ATF6: variants seen among roughly 807,000 people sequenced by gnomAD.
ATF6 encodes the protein activating transcription factor 6, also known as cyclic AMP-dependent transcription factor ATF-6 alpha.
ATF6 carries 53 observed loss-of-function variants against 83.6 expected under a neutral mutation model. That is an observed-to-expected ratio of 0.63 (90% CI 0.51 to 0.80). ATF6 has a LOEUF of 0.80. ATF6 is among the 30% of genes least tolerant of loss of function. The pLI, the probability that ATF6 is intolerant of heterozygous loss-of-function variation, is 0.00. For missense variants in ATF6, 744 were observed against 797.9 expected (o/e 0.93, Z 0.81); for synonymous variants, 288 against 285.8 (o/e 1.01, Z -0.08).
chr1:161,916,971 G>T (rs1369886041), intron 15 of ATF6, among the ~76,000 whole-genome samples: 1 of 152,064 alleles, frequency 6.6e-6, no homozygotes, highest in African/African-American at 2.4e-5. Context: ...ATGATACCAT[G>T]ACTTGTCTAG....
At chr1:161,810,219 G>T (rs1169906164) in intron 7 of ATF6, among the ~76,000 whole-genome samples, 1 of 152,172 alleles carries the variant, frequency 6.6e-6, no homozygotes, top group African/African-American at 2.4e-5. Flanking sequence ...TTGTCTCATG[G>T]TTCTGCAGGC....
At chr1:161,841,697 T>C (rs1686362254) in intron 9 of ATF6, among the ~76,000 whole-genome samples, 1 of 152,184 alleles carries the variant, frequency 6.6e-6, no homozygotes, top group African/African-American at 2.4e-5. Context: ...ATTGAATGCG[T>C]CTGAGCTCCT....
In ATF6 at chr1:161,792,174, A is replaced by C. The variant is rs771718900; in HGVS notation, c.535A>C (p.Ile179Leu). 6.2e-7 allele frequency: 1 copy of C among 1,614,134 alleles called. No individual in the cohort carries two copies. Among genetic ancestry groups the C allele is most frequent in the East Asian group, 2.2e-5 (1 of 44,878 alleles). Residue 179 changes from isoleucine to leucine, a missense_variant, in exon 6 of 16, where the codon ATT (isoleucine) becomes CTT (leucine). Coordinates refer to ENST00000367942, the MANE Select transcript of ATF6 (RefSeq NM_007348.4). ...KKIQVNSKPS[I>L]QPKPLLLPAA... ...AATTCAGGTGAATTCAAAACCTTCA[A>C]TTCAGCCCAAGCCTTTATTGCTTCC...
At chr1:161,942,752 G>T (rs1434695942) in intron 15 of ATF6, among the ~76,000 whole-genome samples, 1 of 152,168 alleles carries the variant, frequency 6.6e-6, no homozygotes, top group Non-Finnish European at 1.5e-5. Context: ...CTACTACTCC[G>T]ACCTTCCAAT....
intron 13 of ATF6, among the ~76,000 whole-genome samples, chr1:161,862,319 A>G (rs1285591637): frequency 6.6e-6 from 1 of 152,172 alleles, no homozygotes; most frequent in Non-Finnish European, 1.5e-5. Flanking sequence ...TCCTCTTAAT[A>G]ATATTTGATT....
At chr1:161,778,533 C>A (rs1288448196) in intron 2 of ATF6, among the ~76,000 whole-genome samples, 1 of 152,032 alleles carries the variant, frequency 6.6e-6, no homozygotes, top group Non-Finnish European at 1.5e-5. Flanking sequence ...CTAGGCCCAC[C>A]TTTGGCCCTA....
intron 15 of ATF6, among the ~76,000 whole-genome samples, chr1:161,940,916 C>G (rs1239740767): frequency 6.6e-6 from 1 of 152,118 alleles, no homozygotes; most frequent in Non-Finnish European, 1.5e-5. Context: ...GCACCTTCCT[C>G]TTTATTCTTG....
chr1:161,772,969 T>G (rs1026824732), intron 1 of ATF6, among the ~76,000 whole-genome samples: 1 of 144,924 alleles, frequency 6.9e-6, no homozygotes, highest in Non-Finnish European at 1.5e-5. Context: ...TCCTGTTTTT[T>G]TTTTTTTTTT....
chr1:161,853,126 C>T, intron 11 of ATF6, 98 bp from the exon 12 acceptor site: 1 of 852,948 alleles, frequency 1.2e-6, no homozygotes. Flanking sequence ...CTCTTTGGAA[C>T]CTACAAATGA....
intron 9 of ATF6, among the ~76,000 whole-genome samples, chr1:161,830,799 A>C (rs540712169): frequency 6.6e-6 from 1 of 152,384 alleles, no homozygotes; most frequent in Non-Finnish European, 1.5e-5. Flanking sequence ...AAATTAATTC[A>C]AGATGGATCA....
At chr1:161,829,748 T>G (rs1686000929) in intron 9 of ATF6, among the ~76,000 whole-genome samples, 1 of 152,134 alleles carries the variant, frequency 6.6e-6, no homozygotes, top group Non-Finnish European at 1.5e-5. Context: ...TTGACAAAAT[T>G]CAACAGCCCT....
At chr1:161,808,586 T>A (rs751834207) in intron 7 of ATF6, among the ~76,000 whole-genome samples, 38 of 152,140 alleles carry the variant, frequency 2.5e-4, no homozygotes, top group Non-Finnish European at 5.0e-4. Context: ...TTATTTATTT[T>A]TTTAAAGACA....
At chr1:161,795,433 G>A (rs192424472) in intron 6 of ATF6, among the ~76,000 whole-genome samples, 6 of 152,300 alleles carry the variant, frequency 3.9e-5, no homozygotes, top group African/African-American at 1.4e-4. Flanking sequence ...GATTTATGGT[G>A]ATGGGTTGTG....
At chr1:161,837,426 T>G (rs1316312298) in intron 9 of ATF6, among the ~76,000 whole-genome samples, 3 of 152,232 alleles carry the variant, frequency 2.0e-5, no homozygotes, top group Non-Finnish European at 2.9e-5. Flanking sequence ...TTGGTGTCTG[T>G]GTGTTCTGAA....
In ATF6 at chr1:161,835,860, T is replaced by C. The variant is rs904245686; in HGVS notation, c.1188-10589T>C. On this transcript the variant is annotated intron_variant, in intron 9 of 15. Transcript: ENST00000367942. Reference sequence around the variant, plus strand: ...AGTCATCCTCCTTTGCTGCAAATCATAAATGAACATACTAAGGAGGTTTTA... The same window carrying C: ...AGTCATCCTCCTTTGCTGCAAATCACAAATGAACATACTAAGGAGGTTTTA... Among the ~76,000 whole-genome samples the C allele has an allele frequency of 2.0e-5, 3 of 152,216 alleles. No individual in the cohort carries two copies. The South Asian group carries it at 6.2e-4, about 32-fold the overall frequency.
Position 161,789,596 on chromosome 1 carries a change from C to T in ATF6, c.355-1812C>T, listed in dbSNP as rs182982243. ...TTTTGTTTTAATGTTTTTTAAATTT[C>T]TTCTTTTAGTGTAATTATACTAGAA... On this transcript the variant is annotated intron_variant, in intron 4 of 15. Transcript: ENST00000367942. Among the ~76,000 whole-genome samples the T allele has an allele frequency of 4.0e-5, 6 of 151,526 alleles. No homozygotes were observed. The East Asian group carries it at 9.7e-4, about 24-fold the overall frequency.
chr1:161,780,386 T>A (rs1343818063), intron 2 of ATF6, among the ~76,000 whole-genome samples: 1 of 152,074 alleles, frequency 6.6e-6, no homozygotes, highest in African/African-American at 2.4e-5. Context: ...TTTTTATTTT[T>A]TTTTTGAGAC....
At chr1:161,947,848 G>T (rs1162879332) in intron 15 of ATF6, among the ~76,000 whole-genome samples, 1 of 76,140 alleles carries the variant, frequency 1.3e-5, no homozygotes, top group Non-Finnish European at 2.1e-5. Flanking sequence ...TTTTGAGATG[G>T]AGTGTTGCTC....
At chr1:161,933,130 T>C (rs1273227067) in intron 15 of ATF6, among the ~76,000 whole-genome samples, 1 of 152,214 alleles carries the variant, frequency 6.6e-6, no homozygotes, top group Non-Finnish European at 1.5e-5. Flanking sequence ...ACCAAGGGTA[T>C]GAACACCAAA....
Sources: gnomAD v4.1 joint callset for allele counts (sites outside exome capture counted in the v4.1 genomes callset) on GRCh38, gnomAD v4.1.1 for gene constraint, MANE v1.5 for transcripts, NCBI Gene and HGNC (gene_info 2026-07-23, HGNC 2026-07-21) for gene names.